Variants in SH3GL2 observed in about 807,000 individuals in gnomAD.
The protein encoded by SH3GL2 is endophilin-A1.
A neutral mutation model predicts 46.0 loss-of-function variants in SH3GL2; 24 were observed. The ratio of observed to expected loss-of-function variants is 0.52; its 90% confidence interval spans 0.38 to 0.73. The LOEUF (loss-of-function observed/expected upper bound fraction) is 0.73. SH3GL2 is among the 30% of genes least tolerant of loss of function. SH3GL2 has a pLI of 0.00. For synonymous variants in SH3GL2, 196 were observed against 147.1 expected (o/e 1.33, Z -2.40); for missense variants, 413 against 424.2 (o/e 0.97, Z 0.23).
At chr9:17,779,407 C>A (rs1293865186) in intron 3 of SH3GL2, among the ~76,000 whole-genome samples, 3 of 152,088 alleles carry the variant, frequency 2.0e-5, no homozygotes, top group Non-Finnish European at 4.4e-5. Context: ...TGGCTCAGAC[C>A]TGAGCCTGAA....
At chr9:17,715,332 C>A (rs1371914633) in intron 1 of SH3GL2, among the ~76,000 whole-genome samples, 2 of 151,332 alleles carry the variant, frequency 1.3e-5, no homozygotes, top group African/African-American at 4.8e-5. Flanking sequence ...ATTCATTGAG[C>A]TTCTTGGATT....
Position 17,724,076 on chromosome 9 carries a change from CTTCT to C in SH3GL2, c.46-22985_46-22982del, listed in dbSNP as rs575088604. ...ATGATTTCTTTGAATATTCTTTGTA[CTTCT>C]TTCTGTCTCTCATCTCCTTCTTGTA... On this transcript the variant is annotated intron_variant, in intron 1 of 8. Coordinates refer to ENST00000380607, the MANE Select transcript of SH3GL2 (RefSeq NM_003026.5). 9.9e-5 allele frequency among the ~76,000 whole-genome samples: 15 copies of C among 151,508 alleles called. No individual in the cohort carries two copies. The South Asian group carries it at 3.1e-3, about 32-fold the overall frequency.
chr9:17,653,974 G>T, intron 1 of SH3GL2: 1 of 352,036 alleles, frequency 2.8e-6, no homozygotes, highest in Non-Finnish European at 4.0e-6. Context: ...TCTGGGAAGA[G>T]CAGTTGTGTG....
intron 3 of SH3GL2, 138 bp downstream of exon 3, chr9:17,761,647 A>G: frequency 1.3e-6 from 1 of 756,610 alleles, no homozygotes; most frequent in Non-Finnish European, 2.4e-6. Context: ...TAGCGACTTC[A>G]TGGATAGCAC....
intron 3 of SH3GL2, among the ~76,000 whole-genome samples, chr9:17,776,383 C>T (rs536385248): frequency 2.0e-5 from 3 of 152,244 alleles, no homozygotes; most frequent in South Asian, 4.2e-4. Context: ...TAGAAAACAC[C>T]GCTTTTGCCT....
At chr9:17,596,381 C>G (rs1318999754) in intron 1 of SH3GL2, among the ~76,000 whole-genome samples, 5 of 151,856 alleles carry the variant, frequency 3.3e-5, no homozygotes, top group Admixed American at 1.3e-4. Context: ...TCCCTAGTGT[C>G]ATAGCATTGA....
chr9:17,585,622 G>C (rs908556774), intron 1 of SH3GL2, among the ~76,000 whole-genome samples: 3 of 152,206 alleles, frequency 2.0e-5, no homozygotes, highest in African/African-American at 7.2e-5. Context: ...GTGGGAAACA[G>C]GTGGGAGCAG....
intron 3 of SH3GL2, among the ~76,000 whole-genome samples, chr9:17,766,985 T>TTG (rs1169667460): frequency 1.1e-4 from 16 of 152,336 alleles, no homozygotes; most frequent in African/African-American, 3.8e-4. Context: ...TTGAATGGAA[T>TTG]TGTAGACAGT....
rs560766229 is a variant in SH3GL2, at chr9:17,653,836, C to T, written c.45+74549C>T. 4.1e-6 allele frequency: 4 copies of T among 975,784 alleles called. No homozygotes were observed. The East Asian group carries it at 4.6e-4, about 111-fold the overall frequency. The allele number at this position is 975,784 out of a possible 1,614,324, so 60.4% of individuals were successfully genotyped here. On this transcript the variant is annotated intron_variant, in intron 1 of 8. Transcript: ENST00000380607. ...TATCAAAGAAGAAGACAGATACTGC[C>T]TTGGTGAACATTCATGGAGACATTA...
At chr9:17,707,100 G>A (rs989149586) in intron 1 of SH3GL2, among the ~76,000 whole-genome samples, 2 of 151,974 alleles carry the variant, frequency 1.3e-5, no homozygotes, top group African/African-American at 4.8e-5. Flanking sequence ...TACAGTAATG[G>A]GGGGAACTTG....
intron 1 of SH3GL2, among the ~76,000 whole-genome samples, chr9:17,631,932 G>C (rs1261131673): frequency 1.3e-5 from 2 of 152,110 alleles, no homozygotes; most frequent in African/African-American, 4.8e-5. Flanking sequence ...AAATGTATCT[G>C]ATAATTCCTT....
chr9:17,754,108 A>G (rs569059932), intron 2 of SH3GL2, among the ~76,000 whole-genome samples: 1 of 152,186 alleles, frequency 6.6e-6, no homozygotes, highest in Non-Finnish European at 1.5e-5. Flanking sequence ...GAAGTTGGAT[A>G]GCATGATGAC....
intron 1 of SH3GL2, among the ~76,000 whole-genome samples, chr9:17,740,344 A>G (rs540071229): frequency 5.3e-4 from 81 of 152,236 alleles, no homozygotes; most frequent in African/African-American, 1.7e-3. Flanking sequence ...CACCCTGTCT[A>G]TTATACATGG....
At position 17,718,614 on chromosome 9, in the gene SH3GL2, C is replaced by G. The variant is rs750036133; in HGVS notation, c.46-28452C>G. On this transcript the variant is annotated intron_variant, in intron 1 of 8. Coordinates refer to ENST00000380607, the MANE Select transcript of SH3GL2 (RefSeq NM_003026.5). Reference sequence around the variant, plus strand: ...ATGGTGGCACACACTTGTAGTCCCACTGACTCAGGGGGCTGAGATGGAAGG... The same window carrying G: ...ATGGTGGCACACACTTGTAGTCCCAGTGACTCAGGGGGCTGAGATGGAAGG... Among the ~76,000 whole-genome samples, 7 of 152,108 alleles carry G rather than the reference C, an allele frequency of 4.6e-5. No individual in the cohort carries two copies. The South Asian group carries it at 6.2e-4, about 13-fold the overall frequency.
chr9:17,751,281 T>A (rs1160345363), intron 2 of SH3GL2, among the ~76,000 whole-genome samples: 1 of 152,070 alleles, frequency 6.6e-6, no homozygotes, highest in Non-Finnish European at 1.5e-5. Context: ...GTGGAGAAAG[T>A]CCAATAGGAA....
At chr9:17,737,405 A>C (rs1042734096) in intron 1 of SH3GL2, among the ~76,000 whole-genome samples, 2 of 152,108 alleles carry the variant, frequency 1.3e-5, no homozygotes, top group Admixed American at 1.3e-4. Context: ...TTATCTGAGA[A>C]AAAAATATGA....
At chr9:17,737,930 A>G (rs1822390579) in intron 1 of SH3GL2, among the ~76,000 whole-genome samples, 1 of 152,088 alleles carries the variant, frequency 6.6e-6, no homozygotes, top group African/African-American at 2.4e-5. Context: ...CATCTGGCTT[A>G]CTTACTCCTT....
intron 1 of SH3GL2, among the ~76,000 whole-genome samples, chr9:17,642,166 A>C (rs1819701051): frequency 1.3e-5 from 2 of 152,164 alleles, no homozygotes; most frequent in African/African-American, 4.8e-5. Flanking sequence ...TCTCTTGAAA[A>C]GTGTCTGTTC....
chr9:17,766,273 G>T (rs1484487995), intron 3 of SH3GL2, among the ~76,000 whole-genome samples: 1 of 152,178 alleles, frequency 6.6e-6, no homozygotes, highest in Non-Finnish European at 1.5e-5. Flanking sequence ...GAGAACGCAG[G>T]ACAGACAGCT....
Sources: gnomAD v4.1 joint callset for allele counts (sites outside exome capture counted in the v4.1 genomes callset) on GRCh38, gnomAD v4.1.1 for gene constraint, MANE v1.5 for transcripts, NCBI Gene and HGNC (gene_info 2026-07-23, HGNC 2026-07-21) for gene names.